Variants in DPP10 observed in about 807,000 individuals in gnomAD.
DPP10 encodes inactive dipeptidyl peptidase 10.
A neutral mutation model predicts 120.9 loss-of-function variants in DPP10; 33 were observed. That is an observed-to-expected ratio of 0.27 (90% CI 0.21 to 0.37). DPP10 has a LOEUF of 0.37. DPP10 is among the 10% of genes least tolerant of loss of function. The pLI is 1.00. For synonymous variants in DPP10, 337 were observed against 326.1 expected (o/e 1.03, Z -0.36); for missense variants, 816 against 942.8 (o/e 0.87, Z 1.76).
chr2:115,767,165 G>C (rs1167082166), intron 12 of DPP10, among the ~76,000 whole-genome samples: 2 of 152,092 alleles, frequency 1.3e-5, no homozygotes, highest in East Asian at 3.9e-4. Context: ...AGAGATAAGA[G>C]GAAGATCCAG....
rs533925014 is a variant in DPP10, at chr2:114,905,328, T to C, written c.61-403911T>C. Among the ~76,000 whole-genome samples, 11 of 152,246 alleles carry C rather than the reference T, an allele frequency of 7.2e-5. No individual in the cohort carries two copies. The South Asian group carries it at 2.3e-3, about 32-fold the overall frequency. ...TTGATCTGTTAGTATAAGTTGCTTT[T>C]CTATTTACTTAGATCTTTAATTTCT... On this transcript the variant is annotated intron_variant, in intron 1 of 25. Transcript: ENST00000410059.
intron 1 of DPP10, among the ~76,000 whole-genome samples, chr2:114,547,915 C>T (rs903130649): frequency 6.6e-6 from 1 of 152,154 alleles, no homozygotes; most frequent in African/African-American, 2.4e-5. Flanking sequence ...CTGGTGATTG[C>T]ATTCACCGAC....
At chr2:114,490,940 T>A (rs1368754913) in intron 1 of DPP10, among the ~76,000 whole-genome samples, 1 of 152,186 alleles carries the variant, frequency 6.6e-6, no homozygotes, top group Non-Finnish European at 1.5e-5. Flanking sequence ...GGTTTAAAGA[T>A]GTAGTTGAAT....
chr2:115,263,422 C>G (rs1368093133), intron 1 of DPP10, among the ~76,000 whole-genome samples: 1 of 152,096 alleles, frequency 6.6e-6, no homozygotes, highest in Non-Finnish European at 1.5e-5. Context: ...TGACTTTGGC[C>G]CCTGGCCTAG....
At chr2:115,060,777 G>T (rs568054810) in intron 1 of DPP10, among the ~76,000 whole-genome samples, 3 of 152,156 alleles carry the variant, frequency 2.0e-5, no homozygotes, top group Non-Finnish European at 2.9e-5. Context: ...TTTATCCTGG[G>T]TTATCAGTTT....
At chr2:115,504,442 G>A (rs962821378) in intron 4 of DPP10, among the ~76,000 whole-genome samples, 3 of 151,368 alleles carry the variant, frequency 2.0e-5, no homozygotes, top group East Asian at 1.9e-4. Flanking sequence ...CCTTCCCCTC[G>A]CTATAGCAGT....
chr2:115,071,708 C>A (rs188347669), intron 1 of DPP10, among the ~76,000 whole-genome samples: 3 of 151,698 alleles, frequency 2.0e-5, no homozygotes, highest in Admixed American at 1.3e-4. Flanking sequence ...ATGAGCTCTA[C>A]GGAGCATTTG....
At chr2:115,131,310 T>C (rs2050345362) in intron 1 of DPP10, among the ~76,000 whole-genome samples, 1 of 151,898 alleles carries the variant, frequency 6.6e-6, no homozygotes, top group African/African-American at 2.4e-5. Context: ...ATTCCAGGAG[T>C]TCAAGACAAG....
At chr2:115,023,289 A>G (rs1439813332) in intron 1 of DPP10, among the ~76,000 whole-genome samples, 1 of 152,040 alleles carries the variant, frequency 6.6e-6, no homozygotes, top group Admixed American at 6.6e-5. Context: ...AAAAAACTCA[A>G]ATCATCAAGA....
intron 1 of DPP10, among the ~76,000 whole-genome samples, chr2:115,111,435 A>G (rs2049213314): frequency 6.6e-6 from 1 of 152,150 alleles, no homozygotes; most frequent in African/African-American, 2.4e-5. Flanking sequence ...GAGTAAAAGA[A>G]AAAGCTGGCC....
At chr2:115,489,442 A>G (rs547770793) in intron 3 of DPP10, among the ~76,000 whole-genome samples, 2 of 152,086 alleles carry the variant, frequency 1.3e-5, no homozygotes, top group East Asian at 1.9e-4. Flanking sequence ...CCTCTTCTTT[A>G]TATCTCCTTC....
rs537352377 is a variant in DPP10 at position 114,461,477 on chromosome 2, T to C, written c.60+18639T>C. ...CTTTCAAGGTTGCCTTTACTTAGGA[T>C]TTGATTACCTGTCTCCCTCAACCAA... On this transcript the variant is annotated intron_variant, in intron 1 of 25. Transcript: ENST00000410059. 3.8e-4 allele frequency: 262 copies of C among 685,672 alleles called. 5 individuals are homozygous for C. In the South Asian group the frequency reaches 0.012, roughly 32 times the overall value. 42.5% of individuals were successfully genotyped at this position (685,672 alleles called of 1,614,324 possible). A position where few individuals can be genotyped will look rare whatever the true frequency, so the allele number is the denominator to read the frequency against.
intron 5 of DPP10, among the ~76,000 whole-genome samples, chr2:115,610,907 A>C (rs2084052914): frequency 6.6e-6 from 1 of 152,212 alleles, no homozygotes; most frequent in African/African-American, 2.4e-5. Flanking sequence ...AACCCTTCTT[A>C]GTAGACCATT....
chr2:114,576,550 G>C (rs947363065), intron 1 of DPP10, among the ~76,000 whole-genome samples: 1 of 152,136 alleles, frequency 6.6e-6, no homozygotes, highest in African/African-American at 2.4e-5. Flanking sequence ...TTTTCTTACA[G>C]GGGGACAAGG....
intron 5 of DPP10, among the ~76,000 whole-genome samples, chr2:115,585,586 T>C (rs1311749380): frequency 6.6e-6 from 1 of 152,210 alleles, no homozygotes; most frequent in African/African-American, 2.4e-5. Context: ...CCTTTCTTTT[T>C]TCCTTTTTCC....
At chr2:114,519,791 A>G (rs1168103829) in intron 1 of DPP10, among the ~76,000 whole-genome samples, 2 of 152,164 alleles carry the variant, frequency 1.3e-5, no homozygotes, top group Non-Finnish European at 2.9e-5. Flanking sequence ...TTACAAATTT[A>G]TTGGCTTTAG....
intron 10 of DPP10, among the ~76,000 whole-genome samples, chr2:115,747,180 G>T (rs1259357094): frequency 6.6e-6 from 1 of 152,128 alleles, no homozygotes; most frequent in Non-Finnish European, 1.5e-5. Context: ...ATAAATCCCA[G>T]TGAGAGTAAA....
At chr2:115,303,504 A>T (rs1421722138) in intron 1 of DPP10, among the ~76,000 whole-genome samples, 2 of 151,762 alleles carry the variant, frequency 1.3e-5, no homozygotes, top group African/African-American at 4.8e-5. Flanking sequence ...TTCATTCTAG[A>T]TTTTGTATAG....
chr2:114,533,726 G>T (rs1161521663), intron 1 of DPP10, among the ~76,000 whole-genome samples: 2 of 152,046 alleles, frequency 1.3e-5, no homozygotes, highest in Non-Finnish European at 2.9e-5. Flanking sequence ...AGTTTGCCCG[G>T]GTTTAGACTT....
Sources: allele counts gnomAD v4.1 joint callset (sites outside exome capture counted in the v4.1 genomes callset), GRCh38; gene constraint gnomAD v4.1.1; transcripts MANE v1.5; gene names NCBI Gene and HGNC (gene_info 2026-07-23, HGNC 2026-07-21).